SSH2: variants seen among roughly 807,000 people sequenced by gnomAD.
SSH2 encodes slingshot protein phosphatase 2, also known as protein phosphatase Slingshot homolog 2.
In SSH2, 37 loss-of-function variants were observed where a neutral mutation model predicts 135.2. That is an observed-to-expected ratio of 0.27 (90% CI 0.21 to 0.36). The LOEUF is 0.36. Ranked by LOEUF, SSH2 falls within the 10% of genes least tolerant of loss-of-function variation. SSH2 has a pLI of 1.00. For missense variants in SSH2, 1,408 were observed against 1,765.3 expected (o/e 0.80, Z 3.63); for synonymous variants, 628 against 646.2 (o/e 0.97, Z 0.43).
intron 1 of SSH2, among the ~76,000 whole-genome samples, chr17:29,882,714 T>G (rs1330255570): frequency 2.0e-5 from 3 of 152,096 alleles, no homozygotes; most frequent in African/African-American, 7.2e-5. Flanking sequence ...ATCGCACCAC[T>G]GCACTCTAGC....
In SSH2 at chr17:29,833,208, A is replaced by G. The variant is rs115360857; in HGVS notation, c.144+15641T>C. On this transcript the variant is annotated intron_variant, in intron 2 of 15. Transcript: ENST00000540801. ...TGATGAAGTATCCAACTATTATTGT[A>G]TTGGGGTTCATCTCTCTCTTTCACT... 7.6e-3 allele frequency among the ~76,000 whole-genome samples: 1,158 copies of G among 152,142 alleles called. 17 individuals carry two copies. Among genetic ancestry groups the G allele is most frequent in the African/African-American group, 0.027 (1,105 of 41,496 alleles).
chr17:29,915,237 G>A (rs1405534120), intron 1 of SSH2, among the ~76,000 whole-genome samples: 1 of 152,136 alleles, frequency 6.6e-6, no homozygotes, highest in East Asian at 1.9e-4. Context: ...TATTATATGT[G>A]AGTTCATTCA....
intron 1 of SSH2, among the ~76,000 whole-genome samples, chr17:29,906,239 C>T (rs1208991212): frequency 1.3e-5 from 2 of 152,056 alleles, no homozygotes; most frequent in Non-Finnish European, 2.9e-5. Context: ...CTGAACTTAA[C>T]CTGACAAAAA....
intron 13 of SSH2, among the ~76,000 whole-genome samples, chr17:29,648,548 A>G (rs2036468969): frequency 1.3e-5 from 2 of 152,218 alleles, no homozygotes; most frequent in African/African-American, 2.4e-5. Context: ...TAATTATTCA[A>G]TGTTAATATT....
intron 3 of SSH2, among the ~76,000 whole-genome samples, chr17:29,788,664 A>C (rs12944492): frequency 0.014 from 1,903 of 136,764 alleles, 25 homozygotes; most frequent in Non-Finnish European, 0.021. Flanking sequence ...CCCTCTCTCT[A>C]TATATATCTA....
chr17:29,674,766 T>C (rs1341215283), intron 8 of SSH2, among the ~76,000 whole-genome samples: 1 of 152,146 alleles, frequency 6.6e-6, no homozygotes, highest in East Asian at 1.9e-4. Flanking sequence ...ACCGTAATGA[T>C]AGCTGATGAG....
Position 29,732,677 on chromosome 17 carries a change from C to T in SSH2, c.189-29615G>A, listed in dbSNP as rs138447568. ...CCTCGCTATATTTAGGCAAGGTATG[C>T]ACACCCATTAAAGATAGAAGGAGGC... On this transcript the variant is annotated intron_variant, in intron 3 of 15. Coordinates refer to ENST00000540801, the MANE Select transcript of SSH2 (RefSeq NM_001282129.2). Among the ~76,000 whole-genome samples, 29 of 152,282 alleles carry T rather than the reference C, an allele frequency of 1.9e-4. No individual in the cohort carries two copies. In the East Asian group the frequency reaches 5.4e-3, roughly 28 times the overall value.
intron 1 of SSH2, among the ~76,000 whole-genome samples, chr17:29,920,703 A>G (rs997140418): frequency 6.6e-6 from 1 of 152,188 alleles, no homozygotes; most frequent in African/African-American, 2.4e-5. Context: ...AAATAATACT[A>G]TAAATAGCTT....
intron 1 of SSH2, chr17:29,928,210 G>T (rs759201137): frequency 1.7e-4 from 38 of 221,678 alleles, no homozygotes; most frequent in Non-Finnish European, 2.9e-4. Context: ...TTTACTAGTG[G>T]AGTGAATTAA....
chr17:29,773,617 AT>A (rs2041633902), intron 3 of SSH2, among the ~76,000 whole-genome samples: 1 of 152,212 alleles, frequency 6.6e-6, no homozygotes, highest in South Asian at 2.1e-4. Context: ...ATTATTAAAT[AT>A]GAATTTTGTT....
intron 2 of SSH2, among the ~76,000 whole-genome samples, chr17:29,796,812 T>C (rs2042164621): frequency 6.6e-6 from 1 of 151,742 alleles, no homozygotes; most frequent in Non-Finnish European, 1.5e-5. Flanking sequence ...TCCTTTCTTT[T>C]TTTTTTTTTG....
intron 3 of SSH2, among the ~76,000 whole-genome samples, chr17:29,714,845 T>G (rs535011327): frequency 6.6e-6 from 1 of 152,128 alleles, no homozygotes; most frequent in East Asian, 1.9e-4. Flanking sequence ...GACCCCTGAT[T>G]CCTGAATTTT....
chr17:29,902,207 A>G (rs1023862684), intron 1 of SSH2, among the ~76,000 whole-genome samples: 6 of 152,192 alleles, frequency 3.9e-5, no homozygotes, highest in Non-Finnish European at 2.9e-5. Flanking sequence ...AGTTTCCAAA[A>G]TTCACATTTA....
chr17:29,663,169 T>C (rs778274642), intron 11 of SSH2, among the ~76,000 whole-genome samples: 11 of 152,266 alleles, frequency 7.2e-5, no homozygotes, highest in African/African-American at 1.2e-4. Flanking sequence ...TCCCACTCCA[T>C]ACCAGCTGGA....
intron 2 of SSH2, among the ~76,000 whole-genome samples, chr17:29,823,860 C>G (rs1040006714): frequency 1.6e-5 from 2 of 122,842 alleles, no homozygotes; most frequent in East Asian, 4.7e-4. Flanking sequence ...GCCTGGACAA[C>G]AGAGTGAGAC....
intron 1 of SSH2, among the ~76,000 whole-genome samples, chr17:29,888,271 G>A (rs1053980200): frequency 1.3e-5 from 2 of 152,154 alleles, no homozygotes; most frequent in African/African-American, 4.8e-5. Context: ...ACTATGCTGA[G>A]ACAGAGACTG....
At chr17:29,903,421 A>G (rs941327836) in intron 1 of SSH2, among the ~76,000 whole-genome samples, 4 of 151,558 alleles carry the variant, frequency 2.6e-5, no homozygotes, top group Admixed American at 2.0e-4. Context: ...TTTTCAGAAT[A>G]TCTGCTTGGA....
At chr17:29,784,102 G>A (rs2041905084) in intron 3 of SSH2, among the ~76,000 whole-genome samples, 1 of 137,108 alleles carries the variant, frequency 7.3e-6, no homozygotes, top group Non-Finnish European at 1.6e-5. Context: ...AAGAGTAATT[G>A]GGGGCTGGAC....
intron 4 of SSH2, among the ~76,000 whole-genome samples, chr17:29,698,546 C>T (rs912154479): frequency 2.0e-5 from 3 of 151,958 alleles, no homozygotes; most frequent in East Asian, 1.9e-4. Flanking sequence ...AGTACAGTGG[C>T]GCTATCACAG....
Sources: gnomAD v4.1 joint callset for allele counts (sites outside exome capture counted in the v4.1 genomes callset) on GRCh38, gnomAD v4.1.1 for gene constraint, MANE v1.5 for transcripts, NCBI Gene and HGNC (gene_info 2026-07-23, HGNC 2026-07-21) for gene names.